The following SLC75A1 variants were observed in gnomAD, a reference collection of about 807,000 sequenced individuals.
The protein encoded by SLC75A1 is solute carrier family 75 member 1, also known as major facilitator superfamily domain containing 10.
chr4:2,930,603 C>G, the SLC75A1 span: 19 of 581,422 alleles, frequency 3.3e-5, no homozygotes, highest in South Asian at 4.1e-4. Flanking sequence ...CATCAGAAAC[C>G]TGGTGCATAG....
At chr4:2,934,658 C>G in the SLC75A1 span, 1 of 96,694 alleles carries the variant, frequency 1.0e-5, no homozygotes, top group African/African-American at 4.2e-5. Context: ...GCCCCACCCC[C>G]GCGTACCCCG....
chr4:2,932,270 C>T, the SLC75A1 span: 4 of 1,555,304 alleles, frequency 2.6e-6, no homozygotes, highest in Non-Finnish European at 8.7e-7. Flanking sequence ...GCATCTGGGG[C>T]TGGCACACAG....
chr4:2,933,670 G>A, the SLC75A1 span: 16 of 1,613,588 alleles, frequency 9.9e-6, no homozygotes, highest in East Asian at 2.2e-5. Flanking sequence ...GGTCCTAGGG[G>A]ATGAGGAATC....
chr4:2,932,501 C>T, the SLC75A1 span: 2 of 1,613,630 alleles, frequency 1.2e-6, no homozygotes, highest in Non-Finnish European at 8.5e-7. Flanking sequence ...AGAAGGCCAC[C>T]CCAATGACCG....
chr4:2,932,657 G>A, the SLC75A1 span: 14 of 1,612,166 alleles, frequency 8.7e-6, no homozygotes, highest in East Asian at 8.9e-5. Flanking sequence ...CCGTGGAGAG[G>A]CTGACGTTCC....
the SLC75A1 span, chr4:2,932,812 G>A: frequency 5.3e-6 from 8 of 1,521,666 alleles, no homozygotes; most frequent in South Asian, 1.3e-5. Flanking sequence ...GCCAGGAGTG[G>A]CTCAGAGTAG....
the SLC75A1 span, chr4:2,932,281 G>A: frequency 3.2e-6 from 5 of 1,557,566 alleles, no homozygotes; most frequent in African/African-American, 2.9e-5. Flanking sequence ...TGGCACACAG[G>A]GGCACTTTAC....
the SLC75A1 span, chr4:2,934,468 C>T: frequency 7.2e-6 from 1 of 138,480 alleles, no homozygotes; most frequent in Admixed American, 7.0e-5. Context: ...CCGGTCCCGC[C>T]CCCACCCCGC....
chr4:2,931,228 A>G, the SLC75A1 span: 1 of 1,563,822 alleles, frequency 6.4e-7, no homozygotes, highest in African/African-American at 1.4e-5. Context: ...GGGGCTCACC[A>G]TAGCCAGCGA....
At chr4:2,931,689 G>A in the SLC75A1 span, 2 of 1,597,844 alleles carry the variant, frequency 1.3e-6, no homozygotes, top group East Asian at 4.5e-5. Context: ...TTAGTGCAGG[G>A]CACCCGGGGC....
chr4:2,931,965 G>A, the SLC75A1 span: 5 of 1,602,748 alleles, frequency 3.1e-6, no homozygotes, highest in East Asian at 2.2e-5. Flanking sequence ...TGCTGAGAAG[G>A]CGACCACAGC....
chr4:2,932,559 A>G, the SLC75A1 span: 1 of 1,612,528 alleles, frequency 6.2e-7, no homozygotes, highest in Non-Finnish European at 8.5e-7. Flanking sequence ...CAGGCCCAGA[A>G]GTCACCACCA....
chr4:2,930,663 A>C, the SLC75A1 span: 1 of 645,238 alleles, frequency 1.5e-6, no homozygotes, highest in Non-Finnish European at 2.7e-6. Flanking sequence ...TGCAGCTCGG[A>C]GTCACTGAAG....
chr4:2,933,856 C>G, the SLC75A1 span: 7 of 1,585,602 alleles, frequency 4.4e-6, no homozygotes, highest in Middle Eastern at 1.8e-4. Flanking sequence ...GGTGACCACG[C>G]GGCGCTCCGG....
the SLC75A1 span, chr4:2,934,003 T>C: frequency 6.9e-7 from 1 of 1,438,930 alleles, no homozygotes; most frequent in Middle Eastern, 2.4e-4. Flanking sequence ...GGGCCTGGCA[T>C]ACCCCCACAC....
the SLC75A1 span, chr4:2,931,154 T>G: frequency 3.1e-5 from 48 of 1,561,304 alleles, no homozygotes; most frequent in Non-Finnish European, 4.2e-5. Flanking sequence ...GGTGAGCCTG[T>G]GGGAAGAGGC....
At chr4:2,931,900 A>G in the SLC75A1 span, 1 of 1,611,380 alleles carries the variant, frequency 6.2e-7, no homozygotes, top group Non-Finnish European at 8.5e-7. Flanking sequence ...GAGGTAGAGG[A>G]AGTAGACTAG....
chr4:2,930,802 C>T, the SLC75A1 span: 1 of 1,609,056 alleles, frequency 6.2e-7, no homozygotes, highest in Non-Finnish European at 8.5e-7. Flanking sequence ...GGCTCCCACT[C>T]TGCCTGGTGC....
the SLC75A1 span, chr4:2,932,342 C>T: frequency 6.2e-7 from 1 of 1,610,956 alleles, no homozygotes; most frequent in South Asian, 1.1e-5. Context: ...TCCCAGACCA[C>T]AGCCCTACCC....
Sources: gnomAD v4.1 joint callset for allele counts on GRCh38, gnomAD v4.1.1 for gene constraint, MANE v1.5 for transcripts, NCBI Gene and HGNC (gene_info 2026-07-23, HGNC 2026-07-21) for gene names.